Variants in GOT1 observed in about 807,000 individuals in gnomAD.
The protein encoded by GOT1 is glutamic-oxaloacetic transaminase 1.
GOT1 carries 25 observed loss-of-function variants against 48.2 expected under a neutral mutation model. That is an observed-to-expected ratio of 0.52 (90% CI 0.38 to 0.72). The LOEUF (loss-of-function observed/expected upper bound fraction) is 0.72. Ranked by LOEUF, GOT1 falls within the 30% of genes least tolerant of loss-of-function variation. GOT1 has a pLI of 0.00. For synonymous variants in GOT1, 188 were observed against 193.8 expected (o/e 0.97, Z 0.25); for missense variants, 380 against 520.1 (o/e 0.73, Z 2.62).
In GOT1 at chr10:99,403,704, C is replaced by G; in HGVS notation, c.793+20G>C. The G allele has an allele frequency of 3.1e-6, 5 of 1,614,092 alleles. No individual in the cohort carries two copies. Among genetic ancestry groups the G allele is most frequent in the Non-Finnish European group, 4.2e-6 (5 of 1,179,944 alleles). ...GTGATGCGAGGAGGTGGGGCTGTAACTCCTCAGGAGAGCACTCACTGTAGA... is the reference window on the plus strand; with the variant it reads ...GTGATGCGAGGAGGTGGGGCTGTAAGTCCTCAGGAGAGCACTCACTGTAGA... On this transcript the variant is annotated intron_variant, in intron 6 of 8. Transcript: ENST00000370508.
At chr10:99,405,028 C>G (rs574176914) in intron 5 of GOT1, among the ~76,000 whole-genome samples, 3 of 152,264 alleles carry the variant, frequency 2.0e-5, no homozygotes, top group East Asian at 3.9e-4. Context: ...TATGTACCCC[C>G]CTATAACACT....
rs1228029163 is a variant in GOT1, at chr10:99,405,859, T to C, written c.539A>G (p.Asn180Ser). 2 of 1,566,218 alleles carry C rather than the reference T, an allele frequency of 1.3e-6. No homozygotes were observed. ...DLQGFLNDLE[N>S]APEFSIVVLH... ...GACAACAATGGAGAACTCAGGAGCATTCTGAGGAGAAGGAAGCTATGTCAG... is the reference window on the plus strand; with the variant it reads ...GACAACAATGGAGAACTCAGGAGCACTCTGAGGAGAAGGAAGCTATGTCAG... The change falls in exon 5 of 9, where the codon AAT (asparagine) becomes AGT (serine). Residue 180 changes from asparagine (N) to serine (S), a missense_variant and splice_region_variant. By Grantham distance (46) the Asn-to-Ser change is conservative. Coordinates refer to ENST00000370508, the MANE Select transcript of GOT1 (RefSeq NM_002079.3).
chr10:99,420,565 C>A, intron 2 of GOT1, 59 bp downstream of exon 2: 1 of 1,287,670 alleles, frequency 7.8e-7, no homozygotes, highest in South Asian at 1.4e-5. Context: ...AAACTGTATT[C>A]TCAACATCTT....
In GOT1 at chr10:99,397,446, G is replaced by A. The variant is rs1485325217; in HGVS notation, c.*101C>T. 12 of 1,273,580 alleles carry A rather than the reference G, an allele frequency of 9.4e-6. No homozygotes were observed. The highest frequency in any genetic ancestry group is 1.5e-5 in the African/African-American group (1 of 68,562). 78.9% of individuals were successfully genotyped at this position (1,273,580 alleles called of 1,614,324 possible). A position where few individuals can be genotyped will look rare whatever the true frequency, so the allele number is the denominator to read the frequency against. On this transcript the variant is annotated 3_prime_UTR_variant, in exon 9 of 9. Coordinates refer to ENST00000370508, the MANE Select transcript of GOT1 (RefSeq NM_002079.3). This position sits in a 1 kb window ranked among gnomAD's most constrained non-coding sequence, Gnocchi z 5.4. ...CTCACCAGAGCAGCCTTTCAGTCCT[G>A]CAAGTGTCTCTAATCCATGGTATGT... is the stretch of plus-strand genomic sequence containing the variant.
chr10:99,418,051 T>TA (rs11325628), intron 2 of GOT1, among the ~76,000 whole-genome samples: 43 of 142,968 alleles, frequency 3.0e-4, no homozygotes, highest in African/African-American at 1.1e-3. Context: ...AAAGTATAAT[T>TA]AAAAAAAAAA....
intron 1 of GOT1, among the ~76,000 whole-genome samples, chr10:99,425,232 G>C (rs544486476): frequency 6.6e-6 from 1 of 152,348 alleles, no homozygotes; most frequent in East Asian, 1.9e-4. Context: ...AGGCCCCAGA[G>C]GCCTGGGGAG....
At chr10:99,413,241 T>C (rs1251493618) in intron 2 of GOT1, among the ~76,000 whole-genome samples, 1 of 152,128 alleles carries the variant, frequency 6.6e-6, no homozygotes, top group Non-Finnish European at 1.5e-5. Context: ...AGAGAAGTAC[T>C]TAAAGGACCT....
rs2032617855 is a variant in GOT1, at chr10:99,397,610, T to C, written c.1179A>G (p.Leu393=). The C allele has an allele frequency of 1.4e-5, 22 of 1,614,054 alleles. No homozygotes were observed. The highest frequency in any genetic ancestry group is 1.9e-5 in the Non-Finnish European group (22 of 1,179,936). ...LPSGRINVSG[L]TTKNLDYVAT... is the part of the protein sequence containing the mutation. ...CCACGTAATCTAGATTTTTGGTGGT[T>C]AAGCCACTCACGTTGATTCGACCAC... The change falls in exon 9 of 9, where the codon TTA becomes TTG. Residue 393 remains leucine, a synonymous_variant. Transcript: ENST00000370508. The surrounding 1 kb of genome is among the most constrained non-coding windows in gnomAD (Gnocchi z 5.4).
At chr10:99,430,360 G>A in intron 1 of GOT1, 88 bp downstream of exon 1, 1 of 1,607,632 alleles carries the variant, frequency 6.2e-7, no homozygotes, top group Non-Finnish European at 8.5e-7. Flanking sequence ...GCCACACTGG[G>A]CCTCGGCTTC....
intron 2 of GOT1, among the ~76,000 whole-genome samples, chr10:99,417,617 G>A (rs1052303282): frequency 3.9e-5 from 6 of 152,182 alleles, no homozygotes; most frequent in African/African-American, 1.4e-4. Flanking sequence ...CTGCTATAAA[G>A]ACACATGCAT....
At chr10:99,424,905 A>G (rs1391211618) in intron 1 of GOT1, among the ~76,000 whole-genome samples, 7 of 152,212 alleles carry the variant, frequency 4.6e-5, no homozygotes, top group Admixed American at 3.9e-4. Flanking sequence ...AACAACAACC[A>G]CTATTCCTGC....
intron 1 of GOT1, among the ~76,000 whole-genome samples, chr10:99,425,589 C>T (rs1464523091): frequency 6.6e-6 from 1 of 152,140 alleles, no homozygotes; most frequent in African/African-American, 2.4e-5. Flanking sequence ...AAAGGGGTGC[C>T]ATTGGAAATA....
chr10:99,406,130 C>T lies in GOT1; in HGVS notation c.537+7G>A, dbSNP rs754403736. 41 of 1,558,374 alleles carry T rather than the reference C, an allele frequency of 2.6e-5. No individual in the cohort carries two copies. Among genetic ancestry groups the T allele is most frequent in the Non-Finnish European group, 3.6e-5 (41 of 1,129,562 alleles). Reference sequence around the variant, plus strand: ...CAATTCTCTACTTTTTCCTCTAAATCACCCACCTCCAGATCATTCAGGAAG... The same window carrying T: ...CAATTCTCTACTTTTTCCTCTAAATTACCCACCTCCAGATCATTCAGGAAG... On this transcript the variant is annotated splice_region_variant and intron_variant, in intron 4 of 8. Coordinates refer to ENST00000370508, the MANE Select transcript of GOT1 (RefSeq NM_002079.3).
In GOT1 at chr10:99,420,858, TAA is replaced by T. The variant is rs1589942770; in HGVS notation, c.119-55_119-54del. 63 of 1,399,032 alleles carry T rather than the reference TAA, an allele frequency of 4.5e-5. No individual in the cohort carries two copies. The East Asian group carries it at 1.4e-3, about 32-fold the overall frequency. 86.7% of individuals were successfully genotyped at this position (1,399,032 alleles called of 1,614,324 possible). On this transcript the variant is annotated intron_variant, in intron 1 of 8. Coordinates refer to ENST00000370508, the MANE Select transcript of GOT1 (RefSeq NM_002079.3). The stretch of plus-strand genomic sequence containing the variant: ...GTGGAGGCTCATGCTGTGTCCAAGT[TAA>T]GAGTTTGTAACTGTGAACCAGGAGA...
chr10:99,409,525 G>A (rs527595840), intron 2 of GOT1, among the ~76,000 whole-genome samples: 2 of 152,148 alleles, frequency 1.3e-5, no homozygotes, highest in South Asian at 2.1e-4. Context: ...ACAACAAAAG[G>A]GAAAAAAGTA....
rs756117260 is a variant in GOT1 at position 99,403,886 on chromosome 10, C to A, written c.643-12G>T. ...AACAGAAACCGGTGCTGCGGGGAAG[C>A]AAAGTGAGTCAGGGCAGGAAATCCT... is the stretch of plus-strand genomic sequence containing the variant. On this transcript the variant is annotated splice_polypyrimidine_tract_variant and intron_variant, in intron 5 of 8. Transcript: ENST00000370508. The A allele has an allele frequency of 3.7e-6, 6 of 1,612,746 alleles. No individual in the cohort carries two copies. In the East Asian group the frequency reaches 1.3e-4, roughly 36 times the overall value.
intron 8 of GOT1, among the ~76,000 whole-genome samples, chr10:99,401,046 T>G (rs1488186244): frequency 6.6e-6 from 1 of 152,264 alleles, no homozygotes; most frequent in Non-Finnish European, 1.5e-5. Context: ...CACAGTTCTA[T>G]TCTCATCATT....
intron 2 of GOT1, among the ~76,000 whole-genome samples, chr10:99,417,757 A>G (rs1222774689): frequency 2.6e-5 from 4 of 152,346 alleles, no homozygotes; most frequent in African/African-American, 7.2e-5. Flanking sequence ...TTGTAGGGAC[A>G]TGGATGAAGC....
chr10:99,416,527 T>C (rs1198815349), intron 2 of GOT1, among the ~76,000 whole-genome samples: 1 of 152,172 alleles, frequency 6.6e-6, no homozygotes, highest in Non-Finnish European at 1.5e-5. Context: ...ACAAGGTAAT[T>C]TATAGATTCA....
Sources: allele counts gnomAD v4.1 joint callset (sites outside exome capture counted in the v4.1 genomes callset), GRCh38; gene constraint gnomAD v4.1.1; non-coding constraint Gnocchi (gnomAD v3.1); transcripts MANE v1.5; gene names NCBI Gene and HGNC (gene_info 2026-07-23, HGNC 2026-07-21).